PRMT7: variants seen among roughly 807,000 people sequenced by gnomAD.
The protein encoded by PRMT7 is protein arginine methyltransferase 7, also known as protein arginine N-methyltransferase 7.
In PRMT7, 75 loss-of-function variants were observed where a neutral mutation model predicts 85.4. That is an observed-to-expected ratio of 0.88 (90% CI 0.73 to 1.06). The LOEUF is 1.06. Among genes scored for constraint, PRMT7 ranks in the 50% least tolerant of loss-of-function variants. The pLI, the probability that PRMT7 is intolerant of heterozygous loss-of-function variation, is 0.00. For synonymous variants in PRMT7, 397 were observed against 359.5 expected (o/e 1.10, Z -1.18); for missense variants, 868 against 915.2 (o/e 0.95, Z 0.67).
intron 2 of PRMT7, among the ~76,000 whole-genome samples, chr16:68,313,251 A>G (rs1410030089): frequency 6.6e-6 from 1 of 152,144 alleles, no homozygotes; most frequent in Non-Finnish European, 1.5e-5. Flanking sequence ...TCAAATGGGT[A>G]ACGTGCCAAT....
At chr16:68,353,329 T>A in intron 15 of PRMT7, 163 bp from the exon 16 acceptor site, 1 of 1,433,758 alleles carries the variant, frequency 7.0e-7, no homozygotes, top group Non-Finnish European at 9.2e-7. Context: ...CAGCCCAGTC[T>A]GTTACAGAAA....
chr16:68,316,149 C>T, intron 3 of PRMT7, 75 bp downstream of exon 3: 1 of 1,290,976 alleles, frequency 7.7e-7, no homozygotes, highest in Non-Finnish European at 1.1e-6. Context: ...GGGCTCCAGT[C>T]TGAGCGTGGG....
chr16:68,356,722 G>T lies in PRMT7; in HGVS notation c.1833G>T (p.Ala611=). Residue 611 remains alanine, a synonymous_variant, in exon 18 of 19, where the codon GCG becomes GCT. Transcript: ENST00000441236. ...ACAGGCCCGGGCAGAGCCACGCAGC[G>T]GTGCTATGGATGGAGTACCACCTGA... ...ELRRPGQSHA[A]VLWMEYHLTP... 1 of 1,611,946 alleles carries T rather than the reference G, an allele frequency of 6.2e-7. No homozygotes were observed.
intron 4 of PRMT7, 72 bp downstream of exon 4, chr16:68,321,534 T>C: frequency 7.1e-7 from 1 of 1,405,842 alleles, no homozygotes; most frequent in Non-Finnish European, 9.9e-7. Context: ...AGGTTAAGAA[T>C]CCCTGGGGGT....
chr16:68,334,428 T>C (rs1249164009), intron 6 of PRMT7, among the ~76,000 whole-genome samples: 1 of 152,186 alleles, frequency 6.6e-6, no homozygotes, highest in Non-Finnish European at 1.5e-5. Context: ...ATTCCTTCCT[T>C]CTTGAAACTC....
At chr16:68,343,943 G>A (rs865877743) in intron 9 of PRMT7, among the ~76,000 whole-genome samples, 2 of 152,138 alleles carry the variant, frequency 1.3e-5, no homozygotes, top group African/African-American at 2.4e-5. Context: ...GCAGGCAGTC[G>A]TCTCATCAGA....
intron 14 of PRMT7, among the ~76,000 whole-genome samples, chr16:68,349,272 T>TC (rs1200103288): frequency 6.6e-6 from 1 of 152,034 alleles, no homozygotes; most frequent in African/African-American, 2.4e-5. Flanking sequence ...TCTCCCCGTG[T>TC]CCCCCGCTTC....
intron 8 of PRMT7, 69 bp downstream of exon 8, chr16:68,339,632 T>C: frequency 1.2e-6 from 2 of 1,600,556 alleles, no homozygotes; most frequent in South Asian, 2.2e-5. Flanking sequence ...TAGGAGGTTC[T>C]TTTTGAGTGG....
downstream of PRMT7, chr16:68,360,495 C>T (rs889752698): frequency 6.6e-6 from 1 of 152,532 alleles, no homozygotes; most frequent in African/African-American, 2.4e-5. Context: ...TCGGGAAGAG[C>T]AAAGTTCTAT....
At chr16:68,330,041 C>T (rs905284364) in intron 6 of PRMT7, among the ~76,000 whole-genome samples, 5 of 151,866 alleles carry the variant, frequency 3.3e-5, no homozygotes, top group Non-Finnish European at 1.5e-5. Context: ...TTACAGGTGC[C>T]TGCCACCACA....
At chr16:68,353,590 A>T in intron 16 of PRMT7, 24 bp downstream of exon 16, 1 of 1,547,608 alleles carries the variant, frequency 6.5e-7, no homozygotes, top group Non-Finnish European at 8.7e-7. Context: ...CACTCTGCAT[A>T]GTACCCCCGA....
intron 7 of PRMT7, 124 bp downstream of exon 7, chr16:68,337,695 T>C (rs1177274272): frequency 1.4e-5 from 6 of 429,396 alleles, no homozygotes; most frequent in East Asian, 3.7e-5. Flanking sequence ...GGGACACCCC[T>C]CCATTCCTGG....
rs749301488 is a variant in PRMT7 at position 68,337,587 on chromosome 16, C to T, written c.504+16C>T. 1.1e-5 allele frequency: 17 copies of T among 1,558,012 alleles called. No homozygotes were observed. In the South Asian group the frequency reaches 1.7e-4, roughly 16 times the overall value. On this transcript the variant is annotated intron_variant, in intron 7 of 18. Transcript: ENST00000441236. ...TCTCGTGGAGGTAGTAGACGGAGGGCTCCCTCAGACGTGTCTGTGGTCTCA... is the reference window on the plus strand; with the variant it reads ...TCTCGTGGAGGTAGTAGACGGAGGGTTCCCTCAGACGTGTCTGTGGTCTCA...
intron 13 of PRMT7, 82 bp downstream of exon 13, chr16:68,347,760 G>A: frequency 7.6e-7 from 1 of 1,318,346 alleles, no homozygotes; most frequent in Non-Finnish European, 1.1e-6. Context: ...ATTGGCCCCA[G>A]GGGAACAAAG....
At chr16:68,313,310 C>CA (rs2044206414) in intron 2 of PRMT7, among the ~76,000 whole-genome samples, 1 of 152,144 alleles carries the variant, frequency 6.6e-6, no homozygotes, top group Non-Finnish European at 1.5e-5. Flanking sequence ...CATGAACACC[C>CA]AGTCATCACG....
chr16:68,348,312 A>G, intron 13 of PRMT7, 30 bp from the exon 14 acceptor site: 1 of 1,510,000 alleles, frequency 6.6e-7, no homozygotes, highest in South Asian at 1.1e-5. Context: ...TTTAGTATGA[A>G]TACAGTAATT....
At chr16:68,315,623 G>A (rs2044634120) in intron 2 of PRMT7, 3 of 297,482 alleles carry the variant, frequency 1.0e-5, no homozygotes, top group East Asian at 1.2e-4. Flanking sequence ...TGGAAGCACC[G>A]AAGCCTGCTG....
intron 6 of PRMT7, among the ~76,000 whole-genome samples, chr16:68,332,951 G>A (rs918305487): frequency 7.9e-5 from 12 of 152,120 alleles, no homozygotes; most frequent in African/African-American, 2.9e-4. Flanking sequence ...CGGAGGGTAA[G>A]CCTGATCCCA....
chr16:68,349,865 A>G (rs2087016466), intron 14 of PRMT7, among the ~76,000 whole-genome samples: 1 of 152,210 alleles, frequency 6.6e-6, no homozygotes, highest in South Asian at 2.1e-4. Context: ...AGAGCACTAC[A>G]GCATGGCTGA....
Sources: gnomAD v4.1 joint callset for allele counts (sites outside exome capture counted in the v4.1 genomes callset) on GRCh38, gnomAD v4.1.1 for gene constraint, MANE v1.5 for transcripts, NCBI Gene and HGNC (gene_info 2026-07-23, HGNC 2026-07-21) for gene names.